Variants in CHST9 observed in about 807,000 individuals in gnomAD.
The protein encoded by CHST9 is GalNAc-4-sulfotransferase 2.
Under a neutral mutation model 44.4 loss-of-function variants are expected in CHST9, and 41 were observed. That is an observed-to-expected ratio of 0.92 (90% CI 0.72 to 1.20). CHST9 has a LOEUF of 1.20. Ranked by LOEUF, CHST9 falls within the 50% of genes most tolerant of loss-of-function variation. CHST9 has a pLI of 0.00. For missense variants in CHST9, 504 were observed against 516.5 expected (o/e 0.98, Z 0.23); for synonymous variants, 171 against 178.4 (o/e 0.96, Z 0.33).
chr18:27,054,632 T>TA (rs1426121887), intron 2 of CHST9, among the ~76,000 whole-genome samples: 2 of 152,196 alleles, frequency 1.3e-5, no homozygotes, highest in African/African-American at 4.8e-5. Context: ...CAATTTACAG[T>TA]ACATTTCAGT....
chr18:27,000,616 T>C (rs1484697075), intron 4 of CHST9, among the ~76,000 whole-genome samples: 1 of 116,152 alleles, frequency 8.6e-6, no homozygotes, highest in Admixed American at 8.2e-5. Context: ...ATCATTTATT[T>C]GTTTTGTCTA....
intron 4 of CHST9, among the ~76,000 whole-genome samples, chr18:27,008,551 A>G (rs1362322097): frequency 1.3e-5 from 2 of 152,190 alleles, no homozygotes; most frequent in African/African-American, 4.8e-5. Flanking sequence ...CCACCACTTA[A>G]TATATCTTTT....
intron 4 of CHST9, among the ~76,000 whole-genome samples, chr18:26,986,186 G>A (rs955837714): frequency 3.4e-4 from 52 of 152,048 alleles, no homozygotes; most frequent in African/African-American, 1.2e-3. Flanking sequence ...GAATTAGCAG[G>A]CAAGGATATT....
chr18:27,078,757 C>A (rs1444171830), intron 2 of CHST9, among the ~76,000 whole-genome samples: 6 of 152,104 alleles, frequency 3.9e-5, no homozygotes, highest in Non-Finnish European at 8.8e-5. Context: ...GGTGGCAGAG[C>A]GTGGCCTTCT....
intron 1 of CHST9, among the ~76,000 whole-genome samples, chr18:27,157,617 T>C (rs917856228): frequency 6.6e-6 from 1 of 152,054 alleles, no homozygotes; most frequent in Non-Finnish European, 1.5e-5. Context: ...AAGAAACGTA[T>C]AGGAAGCGCT....
chr18:27,027,479 T>C (rs2057295442), intron 3 of CHST9, among the ~76,000 whole-genome samples: 1 of 152,246 alleles, frequency 6.6e-6, no homozygotes, highest in Non-Finnish European at 1.5e-5. Flanking sequence ...TTTATCCCAA[T>C]ATTTTCTTTT....
chr18:27,002,160 T>G (rs1431374621), intron 4 of CHST9, among the ~76,000 whole-genome samples: 1 of 151,932 alleles, frequency 6.6e-6, no homozygotes, highest in Non-Finnish European at 1.5e-5. Flanking sequence ...GTAAGTGAGC[T>G]TTCAGCCCCC....
chr18:27,126,729 A>G (rs146676307), intron 2 of CHST9, among the ~76,000 whole-genome samples: 8 of 152,186 alleles, frequency 5.3e-5, no homozygotes, highest in Non-Finnish European at 1.0e-4. Context: ...AAGAGCTTCA[A>G]GCAGGAGGAT....
intron 5 of CHST9, among the ~76,000 whole-genome samples, chr18:26,926,855 A>T (rs1345329999): frequency 6.6e-6 from 1 of 152,244 alleles, no homozygotes. Context: ...GCAAAACCCA[A>T]TAAATTATAT....
At chr18:26,954,575 A>C (rs1328514322) in intron 4 of CHST9, among the ~76,000 whole-genome samples, 1 of 151,442 alleles carries the variant, frequency 6.6e-6, no homozygotes, top group East Asian at 1.9e-4. Flanking sequence ...TCTTATGTTC[A>C]TTTCTGGTCC....
intron 4 of CHST9, among the ~76,000 whole-genome samples, chr18:27,002,894 G>C (rs1415293410): frequency 6.6e-6 from 1 of 152,146 alleles, no homozygotes; most frequent in African/African-American, 2.4e-5. Flanking sequence ...GGGAGGAAAT[G>C]TTAATGGCAG....
chr18:27,154,339 T>C (rs957655957), intron 1 of CHST9, among the ~76,000 whole-genome samples: 6 of 152,060 alleles, frequency 3.9e-5, no homozygotes, highest in African/African-American at 1.4e-4. Flanking sequence ...TTTAAGCACA[T>C]GGTCAAATTC....
chr18:27,160,212 T>G (rs1462708857), intron 1 of CHST9, among the ~76,000 whole-genome samples: 1 of 152,180 alleles, frequency 6.6e-6, no homozygotes. Context: ...ATGCTTCCAG[T>G]TTTTGCCCAT....
At chr18:27,101,581 G>T (rs1005128849) in intron 2 of CHST9, among the ~76,000 whole-genome samples, 1 of 151,850 alleles carries the variant, frequency 6.6e-6, no homozygotes, top group South Asian at 2.1e-4. Flanking sequence ...CTGCAGTCCG[G>T]CCTGGGTGAA....
At chr18:27,028,579 G>A (rs1294216034) in intron 3 of CHST9, among the ~76,000 whole-genome samples, 1 of 151,958 alleles carries the variant, frequency 6.6e-6, no homozygotes, top group South Asian at 2.1e-4. Context: ...ATGGAGTCTC[G>A]CTCAGTCGCC....
chr18:27,045,931 A>G (rs1483240072), intron 3 of CHST9, among the ~76,000 whole-genome samples: 1 of 152,082 alleles, frequency 6.6e-6, no homozygotes, highest in Non-Finnish European at 1.5e-5. Context: ...CTCAGTCGAA[A>G]CTAAATTAGT....
chr18:27,115,943 T>C (rs964701586), intron 2 of CHST9, among the ~76,000 whole-genome samples: 3 of 152,214 alleles, frequency 2.0e-5, no homozygotes, highest in Non-Finnish European at 4.4e-5. Flanking sequence ...TACGTCTTCT[T>C]TGGAGAAATG....
chr18:26,954,776 A>G (rs1333261203), intron 4 of CHST9, among the ~76,000 whole-genome samples: 2 of 151,964 alleles, frequency 1.3e-5, no homozygotes, highest in African/African-American at 4.8e-5. Context: ...ACAAACTTGC[A>G]ATTATTTTAT....
At chr18:27,081,110 G>A (rs921519503) in intron 2 of CHST9, among the ~76,000 whole-genome samples, 5 of 152,128 alleles carry the variant, frequency 3.3e-5, no homozygotes, top group African/African-American at 1.2e-4. Flanking sequence ...GACCCTAGGT[G>A]GGGGCACTTT....
Sources: allele counts gnomAD v4.1 joint callset (sites outside exome capture counted in the v4.1 genomes callset), GRCh38; gene constraint gnomAD v4.1.1; transcripts MANE v1.5; gene names NCBI Gene and HGNC (gene_info 2026-07-23, HGNC 2026-07-21).